CMC2: variants seen among roughly 807,000 people sequenced by gnomAD.
The protein encoded by CMC2 is C-X9-C motif containing 2.
Under a neutral mutation model 7.5 loss-of-function variants are expected in CMC2, and 5 were observed. That is an observed-to-expected ratio of 0.66 (90% confidence interval 0.35 to 1.40). The LOEUF (loss-of-function observed/expected upper bound fraction) is 1.40. Among genes scored for constraint, CMC2 ranks in the 40% most tolerant of loss-of-function variants. The pLI is 0.04. For synonymous variants in CMC2, 37 were observed against 31.4 expected (o/e 1.18, Z -0.60); for missense variants, 115 against 92.3 (o/e 1.25, Z -1.01).
chr16:80,996,622 T>G (rs1240783550), intron 2 of CMC2, among the ~76,000 whole-genome samples: 1 of 152,230 alleles, frequency 6.6e-6, no homozygotes, highest in Non-Finnish European at 1.5e-5. Context: ...TACTTTATAT[T>G]ATTATAATTT....
At chr16:80,983,613 A>T (rs2151623928) in intron 2 of CMC2, 1 of 152,382 alleles carries the variant, frequency 6.6e-6, no homozygotes, top group East Asian at 1.9e-4. Flanking sequence ...CCTGTAAAAG[A>T]GTTATCTAAT....
At chr16:80,979,722 G>C (rs911494956) in intron 3 of CMC2, among the ~76,000 whole-genome samples, 1 of 152,024 alleles carries the variant, frequency 6.6e-6, no homozygotes, top group African/African-American at 2.4e-5. Context: ...CCAGGCTCAA[G>C]TTATTCTCCT....
chr16:80,999,128 TAAGAA>T (rs1968654955), intron 1 of CMC2, among the ~76,000 whole-genome samples: 1 of 152,174 alleles, frequency 6.6e-6, no homozygotes, highest in Admixed American at 6.6e-5. Context: ...GGCATCCGAA[TAAGAA>T]AAGAAGTCAA....
In CMC2 at chr16:81,006,771, TAGCCGGCGGAGACGCCCGACCCGAA is replaced by T; in HGVS notation, c.-98_-74del. On this transcript the variant is annotated 5_prime_UTR_variant, in exon 1 of 4. Coordinates refer to ENST00000219400, the MANE Select transcript of CMC2 (RefSeq NM_020188.5). ...CACACCGGGAGAACTGAAGCGGCAG[TAGCCGGCGGAGACGCCCGACCCGAA>T]GGCCGGCTGCTAGGGAGCAGACAGC... is the stretch of plus-strand genomic sequence containing the variant. 1.0e-6 allele frequency: 1 copy of T among 985,504 alleles called. No individual in the cohort carries two copies. Among genetic ancestry groups the T allele is most frequent in the Non-Finnish European group, 1.2e-6 (1 of 830,132 alleles). 61.0% of individuals were successfully genotyped at this position (985,504 alleles called of 1,614,324 possible).
At chr16:80,990,327 C>T (rs369901549) in intron 2 of CMC2, among the ~76,000 whole-genome samples, 4 of 152,032 alleles carry the variant, frequency 2.6e-5, no homozygotes, top group African/African-American at 7.3e-5. Context: ...TCCGCCACCA[C>T]GCACAGCTAA....
rs774328579 is a variant in CMC2 at position 80,995,810 on chromosome 16, T to C, written c.81+1504A>G. ...ACTGCAAAGGGGCACAGGAAACTGATAGAAATGTTTTAGATCTTGACTGTG... is the reference window on the plus strand; with the variant it reads ...ACTGCAAAGGGGCACAGGAAACTGACAGAAATGTTTTAGATCTTGACTGTG... On this transcript the variant is annotated intron_variant, in intron 2 of 3. Coordinates refer to ENST00000219400, the MANE Select transcript of CMC2 (RefSeq NM_020188.5). 2.6e-5 allele frequency among the ~76,000 whole-genome samples: 4 copies of C among 152,196 alleles called. No individual in the cohort carries two copies. The East Asian group carries it at 7.7e-4, about 29-fold the overall frequency.
At chr16:80,988,806 CTT>C (rs34666072) in intron 2 of CMC2, among the ~76,000 whole-genome samples, 98,827 of 151,222 alleles carry the variant, frequency 0.65, 33,953 homozygotes, top group South Asian at 0.8. Context: ...TCTTTTTAGT[CTT>C]TTTTTTTTCC....
At chr16:80,985,379 A>G (rs1020538482) in intron 2 of CMC2, among the ~76,000 whole-genome samples, 3 of 152,246 alleles carry the variant, frequency 2.0e-5, no homozygotes, top group Non-Finnish European at 4.4e-5. Flanking sequence ...ATTCAGGTAT[A>G]TTTTATTAAT....
At chr16:80,996,052 T>A (rs951104729) in intron 2 of CMC2, among the ~76,000 whole-genome samples, 5 of 150,088 alleles carry the variant, frequency 3.3e-5, no homozygotes, top group African/African-American at 1.2e-4. Flanking sequence ...TTAAAAACAG[T>A]CATGGACCAA....
At chr16:80,978,931 A>T (rs1408485990) in intron 3 of CMC2, among the ~76,000 whole-genome samples, 1 of 152,080 alleles carries the variant, frequency 6.6e-6, no homozygotes, top group Non-Finnish European at 1.5e-5. Context: ...AATACAAAAA[A>T]TTAGCTGGGC....
chr16:81,000,020 C>T (rs2151650390), intron 1 of CMC2, among the ~76,000 whole-genome samples: 1 of 152,236 alleles, frequency 6.6e-6, no homozygotes, highest in East Asian at 1.9e-4. Flanking sequence ...TACTCAAACA[C>T]AATTACAACA....
chr16:80,978,850 G>T (rs1354799239), intron 3 of CMC2, among the ~76,000 whole-genome samples: 1 of 152,174 alleles, frequency 6.6e-6, no homozygotes. Context: ...AGGAGGCCAA[G>T]GCGGGCGGAT....
intron 2 of CMC2, among the ~76,000 whole-genome samples, chr16:80,993,183 A>T (rs1008392716): frequency 6.6e-6 from 1 of 152,234 alleles, no homozygotes. Flanking sequence ...GCTTCTAGCC[A>T]TGAAAGAACA....
chr16:81,005,111 C>T (rs892196773), intron 1 of CMC2, among the ~76,000 whole-genome samples: 3 of 152,292 alleles, frequency 2.0e-5, no homozygotes, highest in Admixed American at 6.5e-5. Context: ...GAAAAAAAAA[C>T]TGTAAACACT....
At position 80,971,583 on chromosome 16, in the gene CMC2, T is replaced by TATA. The variant is rs1339461111; in HGVS notation, c.*4509_*4510insTAT. 1 of 140,484 alleles carries TATA rather than the reference T, an allele frequency of 7.1e-6. No individual in the cohort carries two copies. Among genetic ancestry groups the TATA allele is most frequent in the East Asian group, 2.2e-4 (1 of 4,568 alleles). The allele number at this position is 140,484 out of a possible 1,614,324, so 8.7% of individuals were successfully genotyped here. A position where few individuals can be genotyped will look rare whatever the true frequency, so the allele number is the denominator to read the frequency against. Reference sequence around the variant, plus strand: ...TACATTTTATATATATATATATATATATGTATGAAATCATGCATATATATA... The same window carrying TATA: ...TACATTTTATATATATATATATATATATAATGTATGAAATCATGCATATATATA... On this transcript the variant is annotated 3_prime_UTR_variant, in exon 4 of 4. Transcript: ENST00000219400.
At chr16:80,978,330 G>T in intron 3 of CMC2, 1 of 1,260,326 alleles carries the variant, frequency 7.9e-7, no homozygotes, top group South Asian at 1.3e-5. Context: ...TTTGTAGCAG[G>T]CCAATAAAAT....
intron 3 of CMC2, 140 bp downstream of exon 3, chr16:80,981,666 C>G: frequency 1.8e-6 from 1 of 553,872 alleles, no homozygotes; most frequent in Non-Finnish European, 3.1e-6. Context: ...TTCCCCTAAA[C>G]AGAGGAAGTT....
At chr16:80,995,523 G>A (rs1292075179) in intron 2 of CMC2, among the ~76,000 whole-genome samples, 2 of 152,048 alleles carry the variant, frequency 1.3e-5, no homozygotes, top group African/African-American at 2.4e-5. Context: ...CAGGCCTGGT[G>A]GCGCACGCCT....
chr16:80,974,846 C>T lies in CMC2; in HGVS notation c.*1247G>A, dbSNP rs1252389040. On this transcript the variant is annotated 3_prime_UTR_variant, in exon 4 of 4. Transcript: ENST00000219400. ...ACTTCAGAATTAATTCTGGTTCTTTCCCCATCCTTTCACTGAATGTCTGTT... is the reference window on the plus strand; with the variant it reads ...ACTTCAGAATTAATTCTGGTTCTTTTCCCATCCTTTCACTGAATGTCTGTT... 1.3e-5 allele frequency: 2 copies of T among 152,218 alleles called. No individual in the cohort carries two copies. The highest frequency in any genetic ancestry group is 1.3e-4 in the Admixed American group (2 of 15,292). The allele number at this position is 152,218 out of a possible 1,614,324, so 9.4% of individuals were successfully genotyped here. A position where few individuals can be genotyped will look rare whatever the true frequency, so the allele number is the denominator to read the frequency against.
Sources: allele counts gnomAD v4.1 joint callset (sites outside exome capture counted in the v4.1 genomes callset), GRCh38; gene constraint gnomAD v4.1.1; transcripts MANE v1.5; gene names NCBI Gene and HGNC (gene_info 2026-07-23, HGNC 2026-07-21).